Variants in ASTN2 observed in about 807,000 individuals in gnomAD.
The protein encoded by ASTN2 is astrotactin-2.
ASTN2 carries 54 observed loss-of-function variants against 139.8 expected under a neutral mutation model. The observed-to-expected ratio is 0.39, with a 90% confidence interval of 0.31 to 0.48. The LOEUF (loss-of-function observed/expected upper bound fraction) is 0.48. Ranked by LOEUF, ASTN2 falls within the 20% of genes least tolerant of loss-of-function variation. ASTN2 has a pLI of 0.95. For synonymous variants in ASTN2, 756 were observed against 719.5 expected (o/e 1.05, Z -0.81); for missense variants, 1,565 against 1,725.1 (o/e 0.91, Z 1.64).
chr9:117,016,624 CTATATATA>C (rs1175306157), intron 6 of ASTN2, among the ~76,000 whole-genome samples: 433 of 19,998 alleles, frequency 0.022, 37 homozygotes, highest in Middle Eastern at 0.043. Flanking sequence ...ATCTATCTAT[CTATATATA>C]TATATATATA....
intron 13 of ASTN2, among the ~76,000 whole-genome samples, chr9:116,748,942 A>G (rs1417814576): frequency 6.6e-6 from 1 of 152,124 alleles, no homozygotes; most frequent in Non-Finnish European, 1.5e-5. Context: ...AGATGAGAAG[A>G]CCTATTCTCA....
intron 6 of ASTN2, among the ~76,000 whole-genome samples, chr9:117,011,066 T>A (rs1242339110): frequency 3.3e-5 from 5 of 152,224 alleles, no homozygotes; most frequent in Non-Finnish European, 4.4e-5. Context: ...AGCATCATGA[T>A]GTCCACTACA....
chr9:116,497,541 T>C (rs1849706845), intron 19 of ASTN2, among the ~76,000 whole-genome samples: 1 of 152,204 alleles, frequency 6.6e-6, no homozygotes. Flanking sequence ...TTTAATAGTA[T>C]TAACCTCAAC....
intron 4 of ASTN2, among the ~76,000 whole-genome samples, chr9:117,114,178 T>TAA (rs199889979): frequency 0.018 from 2,640 of 149,826 alleles, 76 homozygotes; most frequent in African/African-American, 0.061. Flanking sequence ...TTTTTTTTTT[T>TAA]AAAAAAAAAG....
In ASTN2 at chr9:117,270,900, T is replaced by C. The variant is rs7864537; in HGVS notation, c.630+20426A>G. Among the ~76,000 whole-genome samples the C allele has an allele frequency of 8.0e-3, 1,215 of 152,344 alleles. 23 individuals carry two copies. Among genetic ancestry groups the C allele is most frequent in the African/African-American group, 0.028 (1,153 of 41,588 alleles). ...AACATAGAGTTGATTCGTGAAAGTA[T>C]AAATGGTCCTCATTGACCCATACAT... On this transcript the variant is annotated intron_variant, in intron 2 of 22. Transcript: ENST00000313400.
chr9:117,232,336 C>A (rs871119), intron 2 of ASTN2, among the ~76,000 whole-genome samples: 49,215 of 152,084 alleles, frequency 0.32, 9,155 homozygotes, highest in Middle Eastern at 0.46. Context: ...TGCCCAACAT[C>A]CTTTACTCCT....
chr9:116,546,487 T>C (rs1852096936), intron 19 of ASTN2: 1 of 152,192 alleles, frequency 6.6e-6, no homozygotes, highest in Non-Finnish European at 1.5e-5. Flanking sequence ...TTCTACCCTT[T>C]CTGTTCCAGT....
At chr9:117,117,586 T>C (rs1319671075) in intron 4 of ASTN2, among the ~76,000 whole-genome samples, 2 of 152,168 alleles carry the variant, frequency 1.3e-5, no homozygotes, top group Admixed American at 6.5e-5. Context: ...CTAACAAGTG[T>C]TGGCTAGAAG....
intron 11 of ASTN2, among the ~76,000 whole-genome samples, chr9:116,823,339 G>A (rs1831540013): frequency 6.6e-6 from 1 of 152,152 alleles, no homozygotes; most frequent in African/African-American, 2.4e-5. Flanking sequence ...TAATGGGCAA[G>A]CCACTTCACC....
At chr9:116,810,890 G>A in intron 12 of ASTN2, among the ~76,000 whole-genome samples, 1 of 151,936 alleles carries the variant, frequency 6.6e-6, no homozygotes, top group East Asian at 1.9e-4. Flanking sequence ...TGCCTATTTA[G>A]ATTTTCTATA....
chr9:116,763,299 T>TC (rs879281177), intron 13 of ASTN2, among the ~76,000 whole-genome samples: 4 of 152,218 alleles, frequency 2.6e-5, no homozygotes, highest in Admixed American at 2.6e-4. Flanking sequence ...TATCACAGTT[T>TC]CCCCCAGCAT....
intron 20 of ASTN2, among the ~76,000 whole-genome samples, chr9:116,473,265 A>G (rs1196589045): frequency 6.6e-6 from 1 of 152,232 alleles, no homozygotes; most frequent in Non-Finnish European, 1.5e-5. Context: ...TGCTAAATTA[A>G]GTACCTACTA....
chr9:117,175,746 C>G (rs914263844), intron 3 of ASTN2, among the ~76,000 whole-genome samples: 3 of 151,940 alleles, frequency 2.0e-5, no homozygotes, highest in African/African-American at 7.3e-5. Flanking sequence ...GAAATGTTTA[C>G]AAGCAAAATC....
At chr9:116,720,602 T>C (rs1005572935) in intron 16 of ASTN2, among the ~76,000 whole-genome samples, 5 of 151,370 alleles carry the variant, frequency 3.3e-5, no homozygotes, top group Non-Finnish European at 5.9e-5. Flanking sequence ...CTCTCTTTCT[T>C]GCTCTAGCTC....
chr9:117,023,152 A>G (rs990365503), intron 6 of ASTN2, among the ~76,000 whole-genome samples: 4 of 152,096 alleles, frequency 2.6e-5, no homozygotes, highest in Admixed American at 6.6e-5. Context: ...ATTGGAGCAG[A>G]CAGTACAGGT....
intron 13 of ASTN2, among the ~76,000 whole-genome samples, chr9:116,774,752 T>G (rs1022226086): frequency 6.6e-6 from 1 of 152,126 alleles, no homozygotes; most frequent in Non-Finnish European, 1.5e-5. Context: ...TCCTTCCCTG[T>G]CCTCCTGCTA....
chr9:117,346,010 C>CAAAAAAA (rs35773511), intron 1 of ASTN2, among the ~76,000 whole-genome samples: 1 of 92,350 alleles, frequency 1.1e-5, no homozygotes, highest in Non-Finnish European at 2.3e-5. Context: ...AACTAAGAGG[C>CAAAAAAA]AAAAAAAAAA....
At chr9:116,970,081 A>G (rs10759879) in intron 10 of ASTN2, among the ~76,000 whole-genome samples, 42,524 of 151,988 alleles carry the variant, frequency 0.28, 6,217 homozygotes, top group Admixed American at 0.37. Context: ...TCTTCAAATT[A>G]TGTCTCCACT....
intron 1 of ASTN2, among the ~76,000 whole-genome samples, chr9:117,393,287 G>T (rs1564181736): frequency 2.0e-5 from 3 of 152,204 alleles, no homozygotes. Flanking sequence ...AAAGACTTGT[G>T]CTCAGAGATT....
Sources: allele counts gnomAD v4.1 joint callset (sites outside exome capture counted in the v4.1 genomes callset), GRCh38; gene constraint gnomAD v4.1.1; transcripts MANE v1.5; gene names NCBI Gene and HGNC (gene_info 2026-07-23, HGNC 2026-07-21).